The following SPTBN4 variants were observed in gnomAD, a reference collection of about 807,000 sequenced individuals.
SPTBN4 encodes spectrin beta chain, non-erythrocytic 4.
Under a neutral mutation model 277.8 loss-of-function variants are expected in SPTBN4, and 96 were observed. That is an observed-to-expected ratio of 0.35 (90% CI 0.29 to 0.41). The LOEUF is 0.41. SPTBN4 is among the 10% of genes least tolerant of loss of function. The pLI is 1.00. For synonymous variants in SPTBN4, 1,481 were observed against 1,580.3 expected (o/e 0.94, Z 1.49); for missense variants, 3,006 against 3,595.7 (o/e 0.84, Z 4.19).
At position 40,512,814 on chromosome 19, in the gene SPTBN4, GGCGGGCGCA is replaced by G. The variant is rs758147374; in HGVS notation, c.2040_2048del (p.Ala681_Gly683del). Reference sequence around the variant, plus strand: ...TGGAGGCTGCGGGCGGCGGCGGTGCGGCGGGCGCAGCGGGCGCAGCGGGAACAGCGGGCG... The same window carrying G: ...TGGAGGCTGCGGGCGGCGGCGGTGCGGCGGGCGCAGCGGGAACAGCGGGCG... On this transcript the variant is annotated inframe_deletion, in exon 14 of 36. Transcript: ENST00000598249. 145 of 1,451,520 alleles carry G rather than the reference GGCGGGCGCA, an allele frequency of 1.0e-4. 2 individuals are homozygous for G. The East Asian group carries it at 1.1e-3, about 11-fold the overall frequency. 89.9% of individuals were successfully genotyped at this position (1,451,520 alleles called of 1,614,324 possible). A position where few individuals can be genotyped will look rare whatever the true frequency, so the allele number is the denominator to read the frequency against.
chr19:40,557,915 T>C (rs1599807596), intron 26 of SPTBN4, among the ~76,000 whole-genome samples: 1 of 120,926 alleles, frequency 8.3e-6, no homozygotes, highest in African/African-American at 3.4e-5. Context: ...TGATACTCTG[T>C]CTCAAAAAAA....
intron 29 of SPTBN4, 49 bp from the exon 30 acceptor site, chr19:40,566,114 G>A: frequency 6.9e-7 from 1 of 1,451,956 alleles, no homozygotes; most frequent in Non-Finnish European, 9.1e-7. Context: ...TTGCCCCCAG[G>A]AAGGGCCCCA....
At position 40,556,164 on chromosome 19, in the gene SPTBN4, C is replaced by T; in HGVS notation, c.5165C>T (p.Ala1722Val). 4 of 1,613,398 alleles carry T rather than the reference C, an allele frequency of 2.5e-6. No homozygotes were observed. The highest frequency in any genetic ancestry group is 3.4e-6 in the Non-Finnish European group (4 of 1,179,992). The change falls in exon 25 of 36, where the codon GCT becomes GTT. Residue 1722 changes from alanine (A) to valine (V), a missense_variant. Physicochemically the swap from Ala to Val is moderately conservative, Grantham distance 64 (BLOSUM62 0). This residue lies in a region of SPTBN4 where 425 missense variants were observed against 594.7 expected (regional missense o/e 0.71). Coordinates refer to ENST00000598249, the MANE Select transcript of SPTBN4 (RefSeq NM_020971.3). Reference protein sequence around the residue: ...LKELGEERRVALEQQYWLYQL... With the variant: ...LKELGEERRVVLEQQYWLYQL... ...GAGCTGGGTGAGGAGCGCCGGGTGG[C>T]TCTGGAACAGCAGTACTGGCTGTAC...
At chr19:40,553,082 G>C (rs1392435320) in intron 22 of SPTBN4, among the ~76,000 whole-genome samples, 1 of 152,290 alleles carries the variant, frequency 6.6e-6, no homozygotes, top group South Asian at 2.1e-4. Context: ...AGATGGTAAT[G>C]TTGTCTGGCT....
chr19:40,553,272 G>A (rs1568371331), intron 22 of SPTBN4, among the ~76,000 whole-genome samples: 1 of 152,184 alleles, frequency 6.6e-6, no homozygotes, highest in African/African-American at 2.4e-5. Flanking sequence ...TTGAGGCCAG[G>A]ACTTCAAGAC....
chr19:40,541,259 G>A (rs988760492), intron 20 of SPTBN4, among the ~76,000 whole-genome samples: 11 of 152,220 alleles, frequency 7.2e-5, no homozygotes, highest in Admixed American at 3.9e-4. Flanking sequence ...TGAGATGGGG[G>A]TCCCCATTGT....
intron 2 of SPTBN4, 65 bp downstream of exon 2, chr19:40,472,855 T>C: frequency 6.9e-7 from 1 of 1,454,012 alleles, no homozygotes; most frequent in Non-Finnish European, 9.2e-7. Flanking sequence ...CCCGAGAACC[T>C]TGGTGGCTGG....
intron 35 of SPTBN4, among the ~76,000 whole-genome samples, chr19:40,573,770 T>C (rs2081175889): frequency 6.6e-6 from 1 of 150,872 alleles, no homozygotes; most frequent in Non-Finnish European, 1.5e-5. Flanking sequence ...GCCATTGCAC[T>C]CCAGCCTGGG....
At chr19:40,544,127 C>CTTTTTTTTTTTTTTTTTT (rs10618096) in intron 20 of SPTBN4, among the ~76,000 whole-genome samples, 3 of 128,914 alleles carry the variant, frequency 2.3e-5, no homozygotes, top group African/African-American at 2.9e-5. Context: ...TCTTCTTCCT[C>CTTTTTTTTTTTTTTTTTT]TTTTTTTTTT....
intron 30 of SPTBN4, 62 bp from the exon 31 acceptor site, chr19:40,567,601 C>G (rs2081107284): frequency 5.3e-6 from 7 of 1,331,178 alleles, no homozygotes; most frequent in Non-Finnish European, 5.9e-6. Flanking sequence ...CCTCCCCGGA[C>G]CTCCCCCTTA....
At position 40,554,997 on chromosome 19, in the gene SPTBN4, T is replaced by G. The variant is rs1208811437; in HGVS notation, c.5084+351T>G. ...GAGGACAGAAAAGCCTGTGCTGAGA[T>G]TGGCTATGGCGGTGGGGCTGGAGAC... On this transcript the variant is annotated intron_variant, in intron 24 of 35. Transcript: ENST00000598249. This position sits in a 1 kb window ranked among gnomAD's most constrained non-coding sequence, Gnocchi z 5.7. The G allele has an allele frequency of 8.1e-6, 2 of 245,966 alleles. No homozygotes were observed. Among genetic ancestry groups the G allele is most frequent in the Non-Finnish European group, 1.6e-5 (2 of 124,666 alleles). 15.2% of individuals were successfully genotyped at this position (245,966 alleles called of 1,614,324 possible). A position where few individuals can be genotyped will look rare whatever the true frequency, so the allele number is the denominator to read the frequency against.
intron 32 of SPTBN4, among the ~76,000 whole-genome samples, chr19:40,570,019 TACAC>T (rs200635812): frequency 1.8e-5 from 2 of 113,452 alleles, no homozygotes; most frequent in South Asian, 2.6e-4. Flanking sequence ...CAGACACAGA[TACAC>T]ACACAGACAC....
intron 32 of SPTBN4, among the ~76,000 whole-genome samples, chr19:40,569,936 C>CCACACACACACA (rs60074818): frequency 0.01 from 1,340 of 131,532 alleles, 26 homozygotes; most frequent in Non-Finnish European, 0.013. Flanking sequence ...TACTGCCCCT[C>CCACACACACACA]CACACACACA....
At chr19:40,478,913 T>C (rs2079978542) in intron 2 of SPTBN4, among the ~76,000 whole-genome samples, 4 of 152,200 alleles carry the variant, frequency 2.6e-5, no homozygotes, top group Admixed American at 2.6e-4. Flanking sequence ...GGTTCACATA[T>C]AGCTCTACAA....
chr19:40,563,975 A>G (rs1159446922), intron 27 of SPTBN4, among the ~76,000 whole-genome samples: 1 of 147,784 alleles, frequency 6.8e-6, no homozygotes, highest in Non-Finnish European at 1.5e-5. Context: ...TGAACCCAGA[A>G]GGTGGAGGCT....
At chr19:40,501,852 C>T (rs1599736952) in intron 7 of SPTBN4, 69 bp from the exon 8 acceptor site, 2 of 1,323,294 alleles carry the variant, frequency 1.5e-6, no homozygotes, top group East Asian at 2.3e-5. Flanking sequence ...TCCATCCCTC[C>T]ATCCAATACC....
chr19:40,531,239 G>A (rs1041429772), intron 18 of SPTBN4, among the ~76,000 whole-genome samples: 7 of 152,026 alleles, frequency 4.6e-5, no homozygotes, highest in African/African-American at 1.7e-4. Context: ...TGTGGTTGCC[G>A]TTGGACTCTT....
chr19:40,572,481 A>G, intron 35 of SPTBN4, 101 bp downstream of exon 35: 1 of 1,436,322 alleles, frequency 7.0e-7, no homozygotes, highest in Non-Finnish European at 9.8e-7. Flanking sequence ...GGACACTCAC[A>G]GGCCAGAGTT....
At chr19:40,469,251 T>C (rs2079857852) in intron 1 of SPTBN4, among the ~76,000 whole-genome samples, 1 of 152,012 alleles carries the variant, frequency 6.6e-6, no homozygotes, top group Non-Finnish European at 1.5e-5. Flanking sequence ...AACTTCCTCC[T>C]TTGTTAGTCT....
Sources: allele counts gnomAD v4.1 joint callset (sites outside exome capture counted in the v4.1 genomes callset), GRCh38; gene constraint gnomAD v4.1.1; regional missense constraint gnomAD v4.1.1; non-coding constraint Gnocchi (gnomAD v3.1); transcripts MANE v1.5; gene names NCBI Gene and HGNC (gene_info 2026-07-23, HGNC 2026-07-21).